FKBP7: variants seen among roughly 807,000 people sequenced by gnomAD.
The protein encoded by FKBP7 is peptidyl-prolyl cis-trans isomerase FKBP7.
FKBP7 carries 24 observed loss-of-function variants against 24.3 expected under a neutral mutation model. The ratio of observed to expected loss-of-function variants is 0.99; its 90% CI spans 0.72 to 1.39. The LOEUF (loss-of-function observed/expected upper bound fraction) is 1.39, where lower values mean the gene tolerates loss of function less well. Among genes scored for constraint, FKBP7 ranks in the 40% most tolerant of loss-of-function variants. The pLI, the probability that FKBP7 is intolerant of heterozygous loss-of-function variation, is 0.00. For missense variants in FKBP7, 257 were observed against 269.5 expected, an observed-to-expected ratio of 0.95 and a Z score of 0.33; for synonymous variants, 98 against 92.8, an observed-to-expected ratio of 1.06 and a Z score of -0.32.
At chr2:178,468,382 A>G (rs7587593) in intron 3 of FKBP7, among the ~76,000 whole-genome samples, 47,122 of 151,838 alleles carry the variant, frequency 0.31, 9,040 homozygotes, top group East Asian at 0.65. Flanking sequence ...GCTGGGCATG[A>G]TGGTTCACAC....
Position 178,469,655 on chromosome 2 carries a change from G to T in FKBP7, c.504C>A (p.Ala168=), listed in dbSNP as rs533883856. The T allele has an allele frequency of 6.2e-7, 1 of 1,613,578 alleles. No individual in the cohort carries two copies. The highest frequency in any genetic ancestry group is 8.5e-7 in the Non-Finnish European group (1 of 1,179,854). The change falls in exon 3 of 4, where the codon GCC becomes GCA. Residue 168 remains alanine (A), a synonymous_variant. Coordinates refer to ENST00000424785, the MANE Select transcript of FKBP7 (RefSeq NM_181342.3). ...DMDNDRQLSK[A]EINLYLQREF... The stretch of plus-strand genomic sequence containing the variant: ...ACATGAAATTGGTTTGAATTACCTC[G>T]GCTTTAGAGAGCTGCCTGTCATTGT...
intron 1 of FKBP7, among the ~76,000 whole-genome samples, chr2:178,477,923 G>A (rs1313239111): frequency 6.6e-6 from 1 of 152,146 alleles, no homozygotes; most frequent in Non-Finnish European, 1.5e-5. Flanking sequence ...TTTATTCCAT[G>A]TATTCCTCCG....
At chr2:178,478,150 G>A in intron 1 of FKBP7, 129 bp downstream of exon 1, 2 of 917,940 alleles carry the variant, frequency 2.2e-6, no homozygotes, top group Non-Finnish European at 3.3e-6. Flanking sequence ...TTTTTTTAAT[G>A]AATAAAGGGC....
rs1684621596 is a variant in FKBP7 at position 178,465,276 on chromosome 2, A to G, written c.*494T>C. The G allele has an allele frequency of 6.6e-6, 1 of 152,078 alleles. No homozygotes were observed. The highest frequency in any genetic ancestry group is 2.4e-5 in the African/African-American group (1 of 41,394). 9.4% of individuals were successfully genotyped at this position (152,078 alleles called of 1,614,324 possible). ...CTTCCTGCACATATACCAAAGGAAG[A>G]CTCTTCAGTTCTAGGATTTTTATAT... On this transcript the variant is annotated 3_prime_UTR_variant, in exon 4 of 4. Coordinates refer to ENST00000424785, the MANE Select transcript of FKBP7 (RefSeq NM_181342.3).
In FKBP7 at chr2:178,469,757, T is replaced by G. The variant is rs757184321; in HGVS notation, c.402A>C (p.Thr134=). 5.3e-5 allele frequency: 86 copies of G among 1,613,782 alleles called. No individual in the cohort carries two copies. Among genetic ancestry groups the G allele is most frequent in the Non-Finnish European group, 7.0e-5 (83 of 1,179,952 alleles). ...YAEGKIPPDA[T]LIFEIELYAV... is the part of the protein sequence containing the mutation. ...CATAAAGTTCAATCTCAAAAATCAA[T>G]GTAGCATCCGGTGGAATCTTGCCTT... Residue 134 remains threonine, a synonymous_variant, in exon 3 of 4, where the codon ACA becomes ACC. Coordinates refer to ENST00000424785, the MANE Select transcript of FKBP7 (RefSeq NM_181342.3).
At chr2:178,470,392 T>C (rs940644615) in intron 2 of FKBP7, among the ~76,000 whole-genome samples, 1 of 152,248 alleles carries the variant, frequency 6.6e-6, no homozygotes, top group Non-Finnish European at 1.5e-5. Context: ...CTTGAGCTTC[T>C]GTGGATTTTG....
At chr2:178,474,763 C>T (rs1684954696) in intron 2 of FKBP7, among the ~76,000 whole-genome samples, 2 of 152,220 alleles carry the variant, frequency 1.3e-5, no homozygotes, top group Admixed American at 1.3e-4. Flanking sequence ...TCACAGCTCA[C>T]CGCAGCCTCG....
intron 2 of FKBP7, among the ~76,000 whole-genome samples, chr2:178,472,287 C>T (rs1315898267): frequency 6.6e-6 from 1 of 151,944 alleles, no homozygotes; most frequent in Non-Finnish European, 1.5e-5. Context: ...GTTGGCCAGG[C>T]TGGTCTTGAA....
intron 2 of FKBP7, among the ~76,000 whole-genome samples, chr2:178,474,034 G>A (rs760559983): frequency 3.3e-5 from 5 of 152,108 alleles, no homozygotes; most frequent in Non-Finnish European, 5.9e-5. Flanking sequence ...CCCACCACCC[G>A]CCAATCCAGT....
intron 1 of FKBP7, 132 bp from the exon 2 acceptor site, chr2:178,477,345 G>T: frequency 1.2e-6 from 1 of 865,774 alleles, no homozygotes; most frequent in Non-Finnish European, 1.7e-6. Flanking sequence ...ACCCTTAATG[G>T]GGTGTTTGAC....
intron 2 of FKBP7, among the ~76,000 whole-genome samples, chr2:178,475,753 A>G (rs1348977128): frequency 6.6e-6 from 1 of 152,158 alleles, no homozygotes; most frequent in Non-Finnish European, 1.5e-5. Context: ...TTATTTATGA[A>G]TTTGGCCCAT....
chr2:178,465,997 G>T, intron 3 of FKBP7, 66 bp from the exon 4 acceptor site: 3 of 1,351,584 alleles, frequency 2.2e-6, no homozygotes, highest in Non-Finnish European at 3.0e-6. Context: ...TAACTTTAAG[G>T]AATAGTTATA....
intron 2 of FKBP7, chr2:178,473,110 A>G (rs770493718): frequency 2.3e-6 from 3 of 1,304,950 alleles, no homozygotes; most frequent in Non-Finnish European, 3.0e-6. Context: ...AGACAAGGAT[A>G]TTTTGCAGAA....
chr2:178,466,758 A>G (rs2154126634), intron 3 of FKBP7, among the ~76,000 whole-genome samples: 1 of 152,306 alleles, frequency 6.6e-6, no homozygotes, highest in South Asian at 2.1e-4. Context: ...GACTATAAAA[A>G]TTTTAAAATT....
chr2:178,472,825 C>A (rs1447192498), intron 2 of FKBP7, among the ~76,000 whole-genome samples: 3 of 113,358 alleles, frequency 2.6e-5, no homozygotes, highest in Non-Finnish European at 4.9e-5. Flanking sequence ...GCGCTCCAAT[C>A]TGGGTGACAG....
rs1684793778 is a variant in FKBP7 at position 178,469,676 on chromosome 2, A to G, written c.483T>C (p.Asn161=). The G allele has an allele frequency of 1.2e-6, 2 of 1,613,816 alleles. No homozygotes were observed. The highest frequency in any genetic ancestry group is 2.2e-5 in the East Asian group (1 of 44,868). The change falls in exon 3 of 4, where the codon AAT becomes AAC. Residue 161 remains asparagine (N), a synonymous_variant. Transcript: ENST00000424785. The part of the protein sequence containing the change: ...IETFKQIDMD[N]DRQLSKAEIN... ...CCTCGGCTTTAGAGAGCTGCCTGTCATTGTCCATGTCTATTTGTTTAAATG... is the reference window on the plus strand; with the variant it reads ...CCTCGGCTTTAGAGAGCTGCCTGTCGTTGTCCATGTCTATTTGTTTAAATG...
chr2:178,472,998 G>T, intron 2 of FKBP7: 3 of 978,536 alleles, frequency 3.1e-6, no homozygotes, highest in Non-Finnish European at 4.3e-6. Context: ...GATCAAAGAA[G>T]TAGGAATTAA....
rs554464520 is a variant in FKBP7 at position 178,468,273 on chromosome 2, G to GT, written c.507+1378dup. ...GCAGGAGTATCGTCAGTGGGACTAA[G>GT]TAAGACATTAGAATTCAATAAATAG... On this transcript the variant is annotated intron_variant, in intron 3 of 3. Transcript: ENST00000424785. Among the ~76,000 whole-genome samples, 218 of 152,246 alleles carry GT rather than the reference G, an allele frequency of 1.4e-3. 5 individuals are homozygous for GT. In the South Asian group the frequency reaches 0.022, roughly 15 times the overall value.
intron 2 of FKBP7, among the ~76,000 whole-genome samples, chr2:178,471,681 G>A (rs564374977): frequency 1.3e-5 from 2 of 152,314 alleles, no homozygotes; most frequent in African/African-American, 2.4e-5. Flanking sequence ...AATATTTGCC[G>A]AATGAATGAC....
Sources: allele counts gnomAD v4.1 joint callset (sites outside exome capture counted in the v4.1 genomes callset), GRCh38; gene constraint gnomAD v4.1.1; transcripts MANE v1.5; gene names NCBI Gene and HGNC (gene_info 2026-07-23, HGNC 2026-07-21).